GLRA3: variants seen among roughly 807,000 people sequenced by gnomAD.
The protein encoded by GLRA3 is glycine receptor alpha 3, also known as glycine receptor subunit alpha-3.
A neutral mutation model predicts 60.4 loss-of-function variants in GLRA3; 44 were observed. The observed-to-expected ratio is 0.73, with a 90% CI of 0.57 to 0.94. The LOEUF is 0.94. Ranked by LOEUF, GLRA3 falls within the 40% of genes least tolerant of loss-of-function variation. The pLI, the probability that GLRA3 is intolerant of heterozygous loss-of-function variation, is 0.00. For missense variants in GLRA3, 508 were observed against 564.6 expected (o/e 0.90, Z 1.02); for synonymous variants, 223 against 192.9 (o/e 1.16, Z -1.29).
chr4:174,762,866 C>T (rs967986870), intron 3 of GLRA3, among the ~76,000 whole-genome samples: 3 of 152,078 alleles, frequency 2.0e-5, no homozygotes, highest in Non-Finnish European at 4.4e-5. Context: ...CAGAAGGCTC[C>T]GTGGTACCTC....
At chr4:174,667,666 G>C (rs1335635603) in intron 7 of GLRA3, among the ~76,000 whole-genome samples, 1 of 152,204 alleles carries the variant, frequency 6.6e-6, no homozygotes, top group East Asian at 1.9e-4. Context: ...AGTAAAGACA[G>C]GCAGTCTGCA....
chr4:174,774,757 T>A (rs2111257772), intron 2 of GLRA3, among the ~76,000 whole-genome samples: 1 of 152,322 alleles, frequency 6.6e-6, no homozygotes, highest in African/African-American at 2.4e-5. Flanking sequence ...CTAAACTGAA[T>A]ACTTTTATAA....
Position 174,644,064 on chromosome 4 carries a change from C to T in GLRA3, c.1117G>A (p.Asp373Asn). 1 of 1,591,864 alleles carries T rather than the reference C, an allele frequency of 6.3e-7. No homozygotes were observed. The highest frequency in any genetic ancestry group is 1.1e-5 in the South Asian group (1 of 89,022). Residue 373 changes from aspartate to asparagine, a missense_variant and splice_region_variant, in exon 10 of 10, where the codon GAT becomes AAT. By Grantham distance (23) the Asp-to-Asn change is conservative. This residue lies in a region of GLRA3 where 176 missense variants were observed against 197.9 expected (regional missense o/e 0.89). Transcript: ENST00000274093. ...AATCGGCTTTCCCTTACCTCATCAT[C>T]CTGTCAAAGAAAAATGTGACAAGGC... Reference protein sequence around the residue: ...LEKFYRFSDMDDEVRESRFSF... With the variant: ...LEKFYRFSDMNDEVRESRFSF...
chr4:174,747,538 T>C (rs1737302973), intron 3 of GLRA3, among the ~76,000 whole-genome samples: 1 of 152,066 alleles, frequency 6.6e-6, no homozygotes, highest in Non-Finnish European at 1.5e-5. Flanking sequence ...GGGTGGGTAG[T>C]AAGGGAGGAG....
chr4:174,680,886 G>T (rs896270144), intron 6 of GLRA3, among the ~76,000 whole-genome samples: 51 of 152,192 alleles, frequency 3.4e-4, no homozygotes, highest in African/African-American at 1.2e-3. Flanking sequence ...GTTGTTTGTT[G>T]TATTTTCACA....
intron 6 of GLRA3, among the ~76,000 whole-genome samples, chr4:174,678,424 G>C (rs940088172): frequency 1.3e-5 from 2 of 152,192 alleles, no homozygotes; most frequent in African/African-American, 4.8e-5. Flanking sequence ...AGGTCAGAAA[G>C]TTAACATTCT....
chr4:174,777,530 CTG>C (rs1295485848), intron 2 of GLRA3, among the ~76,000 whole-genome samples: 4 of 152,100 alleles, frequency 2.6e-5, no homozygotes, highest in African/African-American at 9.7e-5. Flanking sequence ...TTGCCAGAGA[CTG>C]GGGGTAGATG....
At chr4:174,728,324 A>C in intron 4 of GLRA3, 151 bp downstream of exon 4, 1 of 534,946 alleles carries the variant, frequency 1.9e-6, no homozygotes, top group South Asian at 2.5e-5. Context: ...TATTGATCAG[A>C]CATATTTGGG....
chr4:174,683,548 AC>A lies in GLRA3; in HGVS notation c.575-610del, dbSNP rs555242696. On this transcript the variant is annotated intron_variant, in intron 5 of 9. Transcript: ENST00000274093. ...GTATTTTTAGTAGAGACGGGGTTTT[AC>A]CATATTGGCCAGGCTGGTCTCAAAC... is the stretch of plus-strand genomic sequence containing the variant. 5.7e-3 allele frequency among the ~76,000 whole-genome samples: 861 copies of A among 152,142 alleles called. 10 individuals carry two copies. Among genetic ancestry groups the A allele is most frequent in the African/African-American group, 0.02 (825 of 41,522 alleles).
At chr4:174,728,748 G>A (rs1182636611) in intron 3 of GLRA3, 50 bp from the exon 4 acceptor site, 3 of 1,226,392 alleles carry the variant, frequency 2.4e-6, no homozygotes, top group Non-Finnish European at 2.3e-6. Flanking sequence ...GCTTTAAAAA[G>A]TTTAAAATCC....
chr4:174,823,375 T>A (rs753431417), intron 1 of GLRA3, among the ~76,000 whole-genome samples: 48 of 151,866 alleles, frequency 3.2e-4, no homozygotes, highest in Non-Finnish European at 1.3e-4. Flanking sequence ...ATACAAAAAA[T>A]TTAGCTGGGC....
At chr4:174,646,537 G>A (rs1176081995) in intron 9 of GLRA3, among the ~76,000 whole-genome samples, 1 of 152,186 alleles carries the variant, frequency 6.6e-6, no homozygotes, top group Non-Finnish European at 1.5e-5. Flanking sequence ...GTATTGGCCT[G>A]AAGACCTTTG....
chr4:174,687,838 T>C (rs1406784394), intron 5 of GLRA3, among the ~76,000 whole-genome samples: 1 of 152,154 alleles, frequency 6.6e-6, no homozygotes, highest in African/African-American at 2.4e-5. Flanking sequence ...GACCAAAACA[T>C]GTTTAAAAAG....
At position 174,727,647 on chromosome 4, in the gene GLRA3, T is replaced by C. The variant is rs1736378219; in HGVS notation, c.491+828A>G. On this transcript the variant is annotated intron_variant, in intron 4 of 9. Coordinates refer to ENST00000274093, the MANE Select transcript of GLRA3 (RefSeq NM_006529.4). ...AAGATTTTTTCAGATGTGACAAAGA[T>C]CATCAAATATATCATGTAAGTAGCT... Among the ~76,000 whole-genome samples the C allele has an allele frequency of 2.6e-5, 4 of 152,150 alleles. No homozygotes were observed. In the South Asian group the frequency reaches 8.3e-4, roughly 32 times the overall value.
chr4:174,644,123 C>A, intron 9 of GLRA3, 59 bp from the exon 10 acceptor site: 1 of 953,434 alleles, frequency 1.0e-6, no homozygotes, highest in Non-Finnish European at 1.6e-6. Flanking sequence ...GTATAACAGG[C>A]ATCTCAGAAT....
chr4:174,727,108 A>G (rs939232753), intron 4 of GLRA3, among the ~76,000 whole-genome samples: 2 of 152,230 alleles, frequency 1.3e-5, no homozygotes, highest in African/African-American at 4.8e-5. Context: ...TTTAGAAATC[A>G]ATAAATCTAT....
chr4:174,699,610 A>G (rs1264500676), intron 5 of GLRA3, among the ~76,000 whole-genome samples: 1 of 152,108 alleles, frequency 6.6e-6, no homozygotes, highest in Non-Finnish European at 1.5e-5. Context: ...TATCTAAGTT[A>G]GTATGTTTTC....
At chr4:174,774,140 AAAG>A (rs10565508) in intron 2 of GLRA3, among the ~76,000 whole-genome samples, 110,995 of 151,548 alleles carry the variant, frequency 0.73, 40,932 homozygotes, top group East Asian at 0.99. Flanking sequence ...TACTTGTGTA[AAAG>A]AAGAAGTAGC....
intron 1 of GLRA3, among the ~76,000 whole-genome samples, chr4:174,801,732 C>T (rs1347221765): frequency 6.6e-6 from 1 of 152,046 alleles, no homozygotes; most frequent in Non-Finnish European, 1.5e-5. Context: ...GTCCTCTATT[C>T]ATCTCATTAA....
Sources: gnomAD v4.1 joint callset for allele counts (sites outside exome capture counted in the v4.1 genomes callset) on GRCh38, gnomAD v4.1.1 for gene constraint, gnomAD v4.1.1 regional missense constraint, MANE v1.5 for transcripts, NCBI Gene and HGNC (gene_info 2026-07-23, HGNC 2026-07-21) for gene names.